The following FRMD6 variants were observed in gnomAD, a reference collection of about 807,000 sequenced individuals.
FRMD6 encodes the protein FERM domain containing 6, also known as FERM domain-containing protein 6.
In FRMD6, 37 loss-of-function variants were observed where a neutral mutation model predicts 73.2. The ratio of observed to expected loss-of-function variants is 0.51; its 90% CI spans 0.39 to 0.66. The LOEUF is 0.66. Ranked by LOEUF, FRMD6 falls within the 30% of genes least tolerant of loss-of-function variation. The probability of loss-of-function intolerance (pLI) is 0.00; values close to 1 mark genes in which losing one functional copy is unlikely to be tolerated. For synonymous variants in FRMD6, 273 were observed against 282.2 expected, an observed-to-expected ratio of 0.97 and a Z score of 0.33; for missense variants, 714 against 780.5, an observed-to-expected ratio of 0.91 and a Z score of 1.02.
Position 51,676,120 on chromosome 14 carries a change from A to T in FRMD6, c.-146-13571A>T, listed in dbSNP as rs560806789. On this transcript the variant is annotated intron_variant, in intron 1 of 13. Transcript: ENST00000344768. ...TGGGAGTTTTGGAATATAATTTAGG[A>T]AGAAAAATCCCATTAAGGAAAAGCA... Among the ~76,000 whole-genome samples, 36 of 152,174 alleles carry T rather than the reference A, an allele frequency of 2.4e-4. No individual in the cohort carries two copies. The South Asian group carries it at 7.3e-3, about 31-fold the overall frequency.
chr14:51,671,960 T>G (rs1894040779), intron 1 of FRMD6, among the ~76,000 whole-genome samples: 1 of 152,184 alleles, frequency 6.6e-6, no homozygotes, highest in African/African-American at 2.4e-5. Context: ...TTCCACTAGA[T>G]GGGTGGCAAA....
the FRMD6 span, among the ~76,000 whole-genome samples, chr14:51,420,248 C>A: frequency 6.6e-5 from 10 of 152,190 alleles, no homozygotes; most frequent in Admixed American, 5.2e-4. Context: ...AGTCACTCTA[C>A]TACTATTGTC....
chr14:51,414,740 T>C, the FRMD6 span, among the ~76,000 whole-genome samples: 1 of 152,216 alleles, frequency 6.6e-6, no homozygotes, highest in Admixed American at 6.5e-5. Context: ...ATAAATTACC[T>C]TGGGCATTAT....
At position 51,722,088 on chromosome 14, in the gene FRMD6, C is replaced by A; in HGVS notation, c.1492+8C>A. ...AGCTGAATGGACACTCTGGTGAGCTCTTACGGGAAGTTATTCTTCCTTGGT... is the reference window on the plus strand; with the variant it reads ...AGCTGAATGGACACTCTGGTGAGCTATTACGGGAAGTTATTCTTCCTTGGT... On this transcript the variant is annotated splice_region_variant and intron_variant, in intron 12 of 13. Coordinates refer to ENST00000344768, the MANE Select transcript of FRMD6 (RefSeq NM_001267046.2). 6.2e-7 allele frequency: 1 copy of A among 1,613,686 alleles called. No homozygotes were observed. Among genetic ancestry groups the A allele is most frequent in the Non-Finnish European group, 8.5e-7 (1 of 1,179,766 alleles).
rs1015773270 is a variant in FRMD6 at position 51,730,696 on chromosome 14, G to A, written c.*2667G>A. ...TTATAGATATTTCATGGTAAGATTA[G>A]CAGTCAATAAAGTTACTTTTTTGCC... On this transcript the variant is annotated 3_prime_UTR_variant, in exon 14 of 14. Coordinates refer to ENST00000344768, the MANE Select transcript of FRMD6 (RefSeq NM_001267046.2). 6.6e-6 allele frequency: 1 copy of A among 152,192 alleles called. No individual in the cohort carries two copies. The highest frequency in any genetic ancestry group is 2.4e-5 in the African/African-American group (1 of 41,436). 9.4% of individuals were successfully genotyped at this position (152,192 alleles called of 1,614,324 possible). A position where few individuals can be genotyped will look rare whatever the true frequency, so the allele number is the denominator to read the frequency against.
At chr14:51,533,629 C>T (rs1885717892) in intron 1 of FRMD6, among the ~76,000 whole-genome samples, 1 of 152,176 alleles carries the variant, frequency 6.6e-6, no homozygotes. Flanking sequence ...CTTGTCATAG[C>T]TACTAATGCC....
rs571412354 is a variant in FRMD6 at position 51,625,307 on chromosome 14, C to G, written c.-147+54897C>G. ...AGGTGGTGGTTATATATTTTTCTTA[C>G]TTAGCAGAAACTAATTCAGAAGAGG... On this transcript the variant is annotated intron_variant, in intron 2 of 14. Transcript: ENST00000356218. 1.5e-3 allele frequency among the ~76,000 whole-genome samples: 224 copies of G among 152,230 alleles called. 2 individuals carry two copies. Among genetic ancestry groups the G allele is most frequent in the Middle Eastern group, 3.4e-3 (1 of 294 alleles).
chr14:51,598,567 C>T (rs1345953841), intron 2 of FRMD6, among the ~76,000 whole-genome samples: 1 of 152,202 alleles, frequency 6.6e-6, no homozygotes, highest in East Asian at 1.9e-4. Flanking sequence ...CCTTCCCTCT[C>T]TCCCCATTCT....
At chr14:51,682,799 A>C (rs1399230957) in intron 1 of FRMD6, among the ~76,000 whole-genome samples, 1 of 152,186 alleles carries the variant, frequency 6.6e-6, no homozygotes, top group Non-Finnish European at 1.5e-5. Context: ...TTCATGGAGG[A>C]ATTCTGGTTT....
the FRMD6 span, among the ~76,000 whole-genome samples, chr14:51,433,555 A>G: frequency 6.6e-6 from 1 of 152,248 alleles, no homozygotes; most frequent in Admixed American, 6.5e-5. Context: ...GCCTATTTAC[A>G]TATAGCTTCA....
intron 2 of FRMD6, among the ~76,000 whole-genome samples, chr14:51,575,373 G>A (rs1027619232): frequency 2.0e-5 from 3 of 152,198 alleles, no homozygotes; most frequent in Non-Finnish European, 2.9e-5. Flanking sequence ...AGCCTTGTCT[G>A]TGCTCCCTGA....
chr14:51,485,738 G>A (rs536019151), upstream of FRMD6, among the ~76,000 whole-genome samples: 3 of 152,300 alleles, frequency 2.0e-5, no homozygotes, highest in East Asian at 3.9e-4. Context: ...AGAATCATGG[G>A]CATGGCTCGG....
the FRMD6 span, among the ~76,000 whole-genome samples, chr14:51,415,636 A>C: frequency 6.6e-6 from 1 of 152,182 alleles, no homozygotes; most frequent in East Asian, 1.9e-4. Context: ...TGTCTCTGCC[A>C]GGCTTTGGTA....
intron 1 of FRMD6, among the ~76,000 whole-genome samples, chr14:51,654,635 A>G (rs186982878): frequency 1.3e-5 from 2 of 152,122 alleles, no homozygotes; most frequent in Non-Finnish European, 2.9e-5. Context: ...ATTACATGAA[A>G]GCCAGTACCA....
At chr14:51,468,227 C>T in the FRMD6 span, among the ~76,000 whole-genome samples, 6 of 144,044 alleles carry the variant, frequency 4.2e-5, no homozygotes, top group Admixed American at 3.6e-4. Context: ...TTGCAGTGAG[C>T]GGAGATGGTG....
rs1887725162 is a variant in FRMD6, at chr14:51,565,554, T to C, written c.-209-4794T>C. ...GTCTTGAGAAATAGACGGAGGTTTT[T>C]GATGGGGGTGATGGTGATGGTGGTG... is the stretch of plus-strand genomic sequence containing the variant. On this transcript the variant is annotated intron_variant, in intron 1 of 14. Transcript: ENST00000356218. 4 of 152,404 alleles carry C rather than the reference T, an allele frequency of 2.6e-5. No homozygotes were observed. In the South Asian group the frequency reaches 8.3e-4, roughly 32 times the overall value. The allele number at this position is 152,404 out of a possible 1,614,324, so 9.4% of individuals were successfully genotyped here.
At chr14:51,624,740 A>C (rs1161986109) in intron 2 of FRMD6, among the ~76,000 whole-genome samples, 1 of 152,168 alleles carries the variant, frequency 6.6e-6, no homozygotes, top group Non-Finnish European at 1.5e-5. Context: ...TTACCCTTCT[A>C]AACTGCAGCG....
At chr14:51,592,701 G>A (rs1001057197) in intron 2 of FRMD6, among the ~76,000 whole-genome samples, 3 of 152,088 alleles carry the variant, frequency 2.0e-5, no homozygotes, top group Admixed American at 6.6e-5. Flanking sequence ...GGTTTCCATC[G>A]TAACTGTAAT....
the FRMD6 span, among the ~76,000 whole-genome samples, chr14:51,422,299 A>T: frequency 6.6e-6 from 1 of 152,184 alleles, no homozygotes; most frequent in African/African-American, 2.4e-5. Context: ...GTAATGCTTT[A>T]TTGAGCACTT....
Sources: allele counts gnomAD v4.1 joint callset (sites outside exome capture counted in the v4.1 genomes callset), GRCh38; gene constraint gnomAD v4.1.1; transcripts MANE v1.5; gene names NCBI Gene and HGNC (gene_info 2026-07-23, HGNC 2026-07-21).